Variants in VPS37B observed in about 807,000 individuals in gnomAD.
The protein encoded by VPS37B is VPS37B subunit of ESCRT-I, also known as vacuolar protein sorting-associated protein 37B.
VPS37B carries 11 observed loss-of-function variants against 21.2 expected under a neutral mutation model. The ratio of observed to expected loss-of-function variants is 0.52; its 90% CI spans 0.33 to 0.86. The LOEUF is 0.86. Among genes scored for constraint, VPS37B ranks in the 40% least tolerant of loss-of-function variants. VPS37B has a pLI of 0.03. For synonymous variants in VPS37B, 175 were observed against 159.6 expected (o/e 1.10, Z -0.73); for missense variants, 389 against 374.8 (o/e 1.04, Z -0.31).
At chr12:122,878,633 C>CTTTTTTTTT (rs34296385) in intron 1 of VPS37B, 1 of 83,720 alleles carries the variant, frequency 1.2e-5, no homozygotes, top group African/African-American at 5.0e-5. Context: ...GACAAGAGTC[C>CTTTTTTTTT]TTTTTTTTTT....
intron 1 of VPS37B, chr12:122,876,123 T>TA (rs2034144212): frequency 6.6e-6 from 1 of 152,242 alleles, no homozygotes; most frequent in Admixed American, 6.5e-5. Flanking sequence ...CTGGCTTGTC[T>TA]AAACTTATTT....
rs755653551 is a variant in VPS37B at position 122,867,439 on chromosome 12, T to C, written c.535A>G (p.Arg179Gly). 2 of 1,313,012 alleles carry C rather than the reference T, an allele frequency of 1.5e-6. No individual in the cohort carries two copies. Among genetic ancestry groups the C allele is most frequent in the African/African-American group, 2.5e-5 (1 of 39,218 alleles). 81.3% of individuals were successfully genotyped at this position (1,313,012 alleles called of 1,614,324 possible). A position where few individuals can be genotyped will look rare whatever the true frequency, so the allele number is the denominator to read the frequency against. ...GCGGTAGGTGCCAGTTCGGGCAGCC[T>C]GGGGGGCAGCGGGGCCAGGGCCTGT... ...LPQALAPLPP[R>G]LPELAPTAPL... Residue 179 changes from arginine to glycine, a missense_variant, in exon 4 of 4, where the codon AGG becomes GGG. By Grantham distance (125) the Arg-to-Gly change is moderately radical. Transcript: ENST00000267202. This position sits in a 1 kb window ranked among gnomAD's most constrained non-coding sequence, Gnocchi z 5.5.
At chr12:122,876,849 C>T (rs1235220008) in intron 1 of VPS37B, 1 of 152,200 alleles carries the variant, frequency 6.6e-6, no homozygotes, top group Non-Finnish European at 1.5e-5. Context: ...GCATATGCCA[C>T]GGCTGCTACA....
chr12:122,887,425 C>G (rs1566131671), intron 1 of VPS37B: 1 of 152,402 alleles, frequency 6.6e-6, no homozygotes, highest in Non-Finnish European at 1.5e-5. Context: ...CCCCACTACA[C>G]CCTGCCCTGG....
intron 1 of VPS37B, among the ~76,000 whole-genome samples, chr12:122,894,383 CA>C (rs1321395920): frequency 6.6e-6 from 1 of 152,152 alleles, no homozygotes; most frequent in Non-Finnish European, 1.5e-5. Context: ...AGACTGATAC[CA>C]TCTTACTACA....
intron 1 of VPS37B, chr12:122,882,509 G>A (rs542963371): frequency 6.6e-5 from 10 of 152,170 alleles, no homozygotes; most frequent in Non-Finnish European, 5.9e-5. Flanking sequence ...CAAAGAAAAG[G>A]AATAAAACAA....
chr12:122,871,115 C>T, intron 1 of VPS37B, 54 bp from the exon 2 acceptor site: 2 of 1,593,308 alleles, frequency 1.3e-6, no homozygotes, highest in Non-Finnish European at 1.7e-6. Context: ...CTCCTAAACC[C>T]CTGAGGTCCC....
At chr12:122,890,445 C>T (rs1288776617) in intron 1 of VPS37B, among the ~76,000 whole-genome samples, 2 of 152,038 alleles carry the variant, frequency 1.3e-5, no homozygotes, top group African/African-American at 4.8e-5. Context: ...AATCCTCCCA[C>T]CTCAGCCTCC....
At position 122,867,673 on chromosome 12, in the gene VPS37B, G is replaced by A; in HGVS notation, c.367-66C>T. ...GGGAGGATGCTCCCTTCGTGGTCTA[G>A]GCACAAGGAGAGGCAACGCCCAGCT... On this transcript the variant is annotated intron_variant, in intron 3 of 3. Coordinates refer to ENST00000267202, the MANE Select transcript of VPS37B (RefSeq NM_024667.3). This position sits in a 1 kb window ranked among gnomAD's most constrained non-coding sequence, Gnocchi z 5.5. 6.3e-7 allele frequency: 1 copy of A among 1,596,454 alleles called. No homozygotes were observed. Among genetic ancestry groups the A allele is most frequent in the Non-Finnish European group, 8.5e-7 (1 of 1,177,516 alleles).
At chr12:122,893,007 G>T (rs1212595616) in intron 1 of VPS37B, among the ~76,000 whole-genome samples, 2 of 150,616 alleles carry the variant, frequency 1.3e-5, no homozygotes, top group African/African-American at 4.9e-5. Context: ...GTTGCAGTGC[G>T]CTGAGATTGT....
chr12:122,892,709 G>C (rs1462977318), intron 1 of VPS37B, among the ~76,000 whole-genome samples: 1 of 152,132 alleles, frequency 6.6e-6, no homozygotes, highest in Non-Finnish European at 1.5e-5. Flanking sequence ...TTTAGGGCCA[G>C]GAATTCAAGA....
chr12:122,878,770 G>C (rs1056324343), intron 1 of VPS37B: 6 of 151,072 alleles, frequency 4.0e-5, no homozygotes, highest in Admixed American at 3.3e-4. Flanking sequence ...TCCTGCCTCA[G>C]CCTCCTGAGT....
intron 1 of VPS37B, chr12:122,872,909 A>G (rs1266136503): frequency 6.0e-6 from 1 of 166,100 alleles, no homozygotes; most frequent in Non-Finnish European, 1.2e-5. Context: ...TGGTTAAACA[A>G]GCTGCAGGCC....
rs1293176526 is a variant in VPS37B at position 122,867,564 on chromosome 12, G to A, written c.410C>T (p.Ser137Phe). Residue 137 changes from serine (S) to phenylalanine (F), a missense_variant, in exon 4 of 4, where the codon TCC (serine) becomes TTC (phenylalanine). Transcript: ENST00000267202. This position sits in a 1 kb window ranked among gnomAD's most constrained non-coding sequence, Gnocchi z 5.5. ...KFLDGELPLDSFIDVYQSKRK... is the reference protein window; with the variant it reads ...KFLDGELPLDFFIDVYQSKRK... Reference sequence around the variant, plus strand: ...TTTGCTCTGATAGACATCAATGAAGGAATCCAGAGGAAGTTCTCCATCCAG... The same window carrying A: ...TTTGCTCTGATAGACATCAATGAAGAAATCCAGAGGAAGTTCTCCATCCAG... 3 of 1,613,752 alleles carry A rather than the reference G, an allele frequency of 1.9e-6. No individual in the cohort carries two copies. The highest frequency in any genetic ancestry group is 2.5e-6 in the Non-Finnish European group (3 of 1,180,032).
intron 1 of VPS37B, chr12:122,885,919 A>ATCCGCCTGACCTCG (rs1566131152): frequency 2.0e-5 from 3 of 151,130 alleles, no homozygotes; most frequent in African/African-American, 7.3e-5. Context: ...TCCTGACCTC[A>ATCCGCCTGACCTCG]TGATCCGCCC....
chr12:122,865,617 AAC>A lies in VPS37B; in HGVS notation c.*1497_*1498del, dbSNP rs2033882720. The stretch of plus-strand genomic sequence containing the variant: ...TGTACAGCTTCATTTCCTTTAAGAA[AAC>A]AGTTACAGTAGAGTTCAAGTCCGAG... On this transcript the variant is annotated 3_prime_UTR_variant, in exon 4 of 4. Coordinates refer to ENST00000267202, the MANE Select transcript of VPS37B (RefSeq NM_024667.3). The A allele has an allele frequency of 6.6e-6, 1 of 152,190 alleles. No individual in the cohort carries two copies. The highest frequency in any genetic ancestry group is 1.5e-5 in the Non-Finnish European group (1 of 68,050). The allele number at this position is 152,190 out of a possible 1,614,324, so 9.4% of individuals were successfully genotyped here.
At position 122,885,674 on chromosome 12, in the gene VPS37B, ATTATTATTTTT is replaced by A. The variant is rs1182872521; in HGVS notation, c.111+10267_111+10277del. 9 of 85,122 alleles carry A rather than the reference ATTATTATTTTT, an allele frequency of 1.1e-4. No homozygotes were observed. In the South Asian group the frequency reaches 3.2e-3, roughly 31 times the overall value. The allele number at this position is 85,122 out of a possible 1,614,324, so 5.3% of individuals were successfully genotyped here. On this transcript the variant is annotated intron_variant, in intron 1 of 3. Transcript: ENST00000267202. ...TATAATAAACATGTAAAACATTATT[ATTATTATTTTT>A]TTTTTTTTTTTTTTTTGAGACGGAG...
At chr12:122,879,949 A>C (rs2034219992) in intron 1 of VPS37B, 1 of 152,178 alleles carries the variant, frequency 6.6e-6, no homozygotes, top group African/African-American at 2.4e-5. Context: ...GTTTCTGCTA[A>C]AACTACAAAA....
At position 122,868,264 on chromosome 12, in the gene VPS37B, C is replaced by T. The variant is rs1242585587; in HGVS notation, c.366+216G>A. 6.6e-6 allele frequency among the ~76,000 whole-genome samples: 1 copy of T among 152,176 alleles called. No individual in the cohort carries two copies. Among genetic ancestry groups the T allele is most frequent in the East Asian group, 1.9e-4 (1 of 5,184 alleles). On this transcript the variant is annotated intron_variant, in intron 3 of 3. Transcript: ENST00000267202. This position sits in a 1 kb window ranked among gnomAD's most constrained non-coding sequence, Gnocchi z 5.5. Reference sequence around the variant, plus strand: ...GGCACGCATGCCCTCTCTTGGCCCTCGCTCGGACCTGCCCTCACTCACCCC... The same window carrying T: ...GGCACGCATGCCCTCTCTTGGCCCTTGCTCGGACCTGCCCTCACTCACCCC...
Sources: gnomAD v4.1 joint callset for allele counts (sites outside exome capture counted in the v4.1 genomes callset) on GRCh38, gnomAD v4.1.1 for gene constraint, Gnocchi (gnomAD v3.1) non-coding constraint, MANE v1.5 for transcripts, NCBI Gene and HGNC (gene_info 2026-07-23, HGNC 2026-07-21) for gene names.